The following NRG3 variants were observed in gnomAD, a reference collection of about 807,000 sequenced individuals.
The protein encoded by NRG3 is pro-neuregulin-3, membrane-bound isoform.
NRG3 carries 31 observed loss-of-function variants against 66.9 expected under a neutral mutation model. That is an observed-to-expected ratio of 0.46 (90% CI 0.35 to 0.63). The LOEUF (loss-of-function observed/expected upper bound fraction) is 0.63, where lower values mean the gene tolerates loss of function less well. Among genes scored for constraint, NRG3 ranks in the 20% least tolerant of loss-of-function variants. NRG3 has a pLI of 0.00. For synonymous variants in NRG3, 393 were observed against 359.4 expected (o/e 1.09, Z -1.06); for missense variants, 910 against 878.9 (o/e 1.04, Z -0.45).
At chr10:82,908,846 G>A (rs762315776) in intron 4 of NRG3, among the ~76,000 whole-genome samples, 28 of 152,146 alleles carry the variant, frequency 1.8e-4, no homozygotes, top group Non-Finnish European at 3.2e-4. Context: ...TGCTTTCAGC[G>A]ACTGGAGCTG....
intron 1 of NRG3, among the ~76,000 whole-genome samples, chr10:82,086,218 A>G (rs545051669): frequency 4.6e-5 from 7 of 152,238 alleles, no homozygotes; most frequent in Admixed American, 2.0e-4. Flanking sequence ...AATATCTACA[A>G]TGAGTTCATC....
chr10:82,198,992 A>C (rs1035827960), intron 1 of NRG3, among the ~76,000 whole-genome samples: 3 of 143,826 alleles, frequency 2.1e-5, no homozygotes, highest in African/African-American at 7.8e-5. Context: ...ACACGACTCC[A>C]TCTAAAAAAA....
intron 1 of NRG3, among the ~76,000 whole-genome samples, chr10:82,138,678 A>T (rs1625771): frequency 0.52 from 79,085 of 151,964 alleles, 22,647 homozygotes; most frequent in Non-Finnish European, 0.66. Context: ...CGAGTACCAA[A>T]ACCTCAAAAG....
intron 2 of NRG3, among the ~76,000 whole-genome samples, chr10:82,633,080 A>G (rs1308210192): frequency 6.6e-6 from 1 of 152,204 alleles, no homozygotes; most frequent in Admixed American, 6.5e-5. Context: ...TCCAAGCATC[A>G]CATTTTCATC....
At chr10:82,840,718 C>T (rs34001969) in intron 3 of NRG3, among the ~76,000 whole-genome samples, 17,308 of 152,094 alleles carry the variant, frequency 0.11, 1,068 homozygotes, top group South Asian at 0.2. Context: ...ACATAGGGAA[C>T]AGAGCACCCT....
intron 2 of NRG3, among the ~76,000 whole-genome samples, chr10:82,470,017 G>A (rs1326830517): frequency 6.6e-6 from 1 of 152,032 alleles, no homozygotes; most frequent in Non-Finnish European, 1.5e-5. Context: ...TACTTTTCCA[G>A]ACTGTAGAAG....
At chr10:82,075,068 A>G (rs939914937) in intron 1 of NRG3, among the ~76,000 whole-genome samples, 4 of 152,130 alleles carry the variant, frequency 2.6e-5, no homozygotes, top group African/African-American at 7.2e-5. Context: ...AAGTGTCACT[A>G]TTTTGATGCT....
intron 1 of NRG3, among the ~76,000 whole-genome samples, chr10:82,131,081 C>T (rs1014600150): frequency 6.6e-6 from 1 of 152,072 alleles, no homozygotes; most frequent in African/African-American, 2.4e-5. Context: ...CTTTGGTTGC[C>T]TGTGCTTGTG....
chr10:82,671,568 T>A (rs926285893), intron 2 of NRG3, among the ~76,000 whole-genome samples: 2 of 152,202 alleles, frequency 1.3e-5, no homozygotes, highest in Non-Finnish European at 2.9e-5. Context: ...GACTTCAGGT[T>A]GGACAGCTCT....
At chr10:82,558,101 T>A (rs2044768239) in intron 2 of NRG3, among the ~76,000 whole-genome samples, 1 of 152,134 alleles carries the variant, frequency 6.6e-6, no homozygotes, top group South Asian at 2.1e-4. Context: ...GTAGAAACAA[T>A]CTCACAAGAG....
chr10:82,282,530 G>A (rs1190524424), intron 1 of NRG3, among the ~76,000 whole-genome samples: 1 of 152,158 alleles, frequency 6.6e-6, no homozygotes, highest in East Asian at 1.9e-4. Context: ...CAGAATGCCT[G>A]TGCTTGAATT....
chr10:82,146,279 A>T (rs954607705), intron 1 of NRG3, among the ~76,000 whole-genome samples: 1 of 152,122 alleles, frequency 6.6e-6, no homozygotes, highest in Non-Finnish European at 1.5e-5. Flanking sequence ...AGAATTGCAC[A>T]TTTCAATATT....
intron 6 of NRG3, among the ~76,000 whole-genome samples, chr10:82,964,770 T>C (rs1851042004): frequency 6.6e-6 from 1 of 152,220 alleles, no homozygotes; most frequent in Admixed American, 6.5e-5. Context: ...CTGCTTTTAT[T>C]GCCTAGGGTT....
chr10:82,558,682 G>T (rs927387851), intron 2 of NRG3, among the ~76,000 whole-genome samples: 2 of 152,116 alleles, frequency 1.3e-5, no homozygotes. Flanking sequence ...CGTCAAATTC[G>T]CATTTCTCTA....
chr10:82,329,916 A>G (rs1449840744), intron 1 of NRG3, among the ~76,000 whole-genome samples: 1 of 152,182 alleles, frequency 6.6e-6, no homozygotes, highest in Non-Finnish European at 1.5e-5. Flanking sequence ...GCTATGGACC[A>G]TGGCTACCAC....
At chr10:82,843,955 AAG>A (rs1396179350) in intron 3 of NRG3, among the ~76,000 whole-genome samples, 1 of 152,158 alleles carries the variant, frequency 6.6e-6, no homozygotes, top group Non-Finnish European at 1.5e-5. Context: ...TTAGATTTAT[AAG>A]AGTTTGTTGC....
chr10:81,931,829 TAAG>T (rs140343503), intron 1 of NRG3, among the ~76,000 whole-genome samples: 1,654 of 152,270 alleles, frequency 0.011, 26 homozygotes, highest in African/African-American at 0.038. Context: ...CATGCACTTT[TAAG>T]AAACCAGGCA....
chr10:82,373,676 C>T (rs1317411106), intron 2 of NRG3, among the ~76,000 whole-genome samples: 2 of 152,136 alleles, frequency 1.3e-5, no homozygotes, highest in African/African-American at 4.8e-5. Context: ...AAAAGATGAG[C>T]TGATAAAGTA....
At chr10:82,716,525 G>C (rs1462828677) in intron 2 of NRG3, among the ~76,000 whole-genome samples, 1 of 152,144 alleles carries the variant, frequency 6.6e-6, no homozygotes, top group Non-Finnish European at 1.5e-5. Context: ...GCCCCATCGA[G>C]GTCCTGTTAA....
Sources: gnomAD v4.1 joint callset for allele counts (sites outside exome capture counted in the v4.1 genomes callset) on GRCh38, gnomAD v4.1.1 for gene constraint, MANE v1.5 for transcripts, NCBI Gene and HGNC (gene_info 2026-07-23, HGNC 2026-07-21) for gene names.